EIF3I: variants seen among roughly 807,000 people sequenced by gnomAD.
EIF3I encodes the protein TGF-beta receptor-interacting protein 1.
In EIF3I, 20 loss-of-function variants were observed where a neutral mutation model predicts 43.3. The observed-to-expected ratio is 0.46, with a 90% CI of 0.32 to 0.67. EIF3I has a LOEUF of 0.67. Ranked by LOEUF, EIF3I falls within the 30% of genes least tolerant of loss-of-function variation. The pLI, the probability that EIF3I is intolerant of heterozygous loss-of-function variation, is 0.03. For missense variants in EIF3I, 279 were observed against 421.4 expected (o/e 0.66, Z 2.96); for synonymous variants, 167 against 151.7 (o/e 1.10, Z -0.74).
At chr1:32,226,437 T>C (rs1358622921) in exon 6 of EIF3I, 5 of 1,604,286 alleles carry the variant, frequency 3.1e-6, no homozygotes, top group Non-Finnish European at 4.3e-6. Context: ...TCCCTTGCAA[T>C]GACTCTAAAA....
intron 4 of EIF3I, among the ~76,000 whole-genome samples, chr1:32,225,026 G>T (rs1639121273): frequency 6.6e-6 from 1 of 152,120 alleles, no homozygotes; most frequent in Non-Finnish European, 1.5e-5. Flanking sequence ...TAGAGACAGG[G>T]TTTCACCATG....
At chr1:32,226,047 A>T in intron 4 of EIF3I, 124 bp from the exon 5 acceptor site, 1 of 1,294,996 alleles carries the variant, frequency 7.7e-7, no homozygotes, top group Non-Finnish European at 1.1e-6. Context: ...AAGAAAAGTT[A>T]AAATACTTTT....
chr1:32,223,190 G>A (rs1246904573), intron 2 of EIF3I, among the ~76,000 whole-genome samples: 1 of 152,242 alleles, frequency 6.6e-6, no homozygotes, highest in East Asian at 1.9e-4. Context: ...GGAACTTAAT[G>A]AGGGTGTCTC....
downstream of EIF3I, chr1:32,234,540 G>A (rs1639277118): frequency 1.3e-5 from 2 of 152,934 alleles, no homozygotes; most frequent in Admixed American, 6.5e-5. Context: ...AGTCCAGGAA[G>A]AGGAGAAAGG....
intron 2 of EIF3I, among the ~76,000 whole-genome samples, chr1:32,223,337 G>A (rs1467609949): frequency 6.6e-6 from 1 of 152,198 alleles, no homozygotes; most frequent in Non-Finnish European, 1.5e-5. Flanking sequence ...AGGCTGGAGT[G>A]CAGTGGCGCG....
In EIF3I at chr1:32,229,223, A is replaced by C. The variant is rs1424417351; in HGVS notation, c.803+15A>C. The C allele has an allele frequency of 1.2e-6, 2 of 1,609,260 alleles. No individual in the cohort carries two copies. The highest frequency in any genetic ancestry group is 1.7e-6 in the Non-Finnish European group (2 of 1,178,724). On this transcript the variant is annotated intron_variant, in intron 9 of 11. Coordinates refer to ENST00000676679, the Ensembl canonical transcript of EIF3I. ...TTTGAGGCCAGGTAAAGAAGAAGAGAGCTCTTCCAAATTAAAATCTCATGT... is the reference window on the plus strand; with the variant it reads ...TTTGAGGCCAGGTAAAGAAGAAGAGCGCTCTTCCAAATTAAAATCTCATGT...
At chr1:32,231,336 C>A (rs1273373776), downstream of EIF3I, 5 of 723,338 alleles carry the variant, frequency 6.9e-6, no homozygotes, top group Non-Finnish European at 1.1e-5. Context: ...ACTAAAAATA[C>A]AAAAATTAGC....
chr1:32,224,739 C>T (rs1168125650), intron 4 of EIF3I, among the ~76,000 whole-genome samples: 2 of 148,886 alleles, frequency 1.3e-5, no homozygotes, highest in Non-Finnish European at 3.0e-5. Context: ...GGCACTATCT[C>T]GGCTCACTGC....
At position 32,227,091 on chromosome 1, in the gene EIF3I, C is replaced by T. The variant is rs188475797; in HGVS notation, c.528+561C>T. Among the ~76,000 whole-genome samples, 46 of 151,226 alleles carry T rather than the reference C, an allele frequency of 3.0e-4. No homozygotes were observed. In the East Asian group the frequency reaches 6.2e-3, roughly 20 times the overall value. On this transcript the variant is annotated intron_variant, in intron 6 of 11. Coordinates refer to ENST00000676679, the Ensembl canonical transcript of EIF3I. ...CTGACCTCAGATGATCCACCTGCCTCGGGTCCTGGTGATAGCACACTAGTT... is the reference window on the plus strand; with the variant it reads ...CTGACCTCAGATGATCCACCTGCCTTGGGTCCTGGTGATAGCACACTAGTT...
rs185976551 is a variant in EIF3I, at chr1:32,224,225, C to T, written c.184+104C>T. The stretch of plus-strand genomic sequence containing the variant: ...GGGGTGCTGTTGAGGGCCTAGAGAA[C>T]GATACCTCCTACTCCCTGGTCTCTT... On this transcript the variant is annotated intron_variant, in intron 3 of 11. Coordinates refer to ENST00000676679, the Ensembl canonical transcript of EIF3I. The T allele has an allele frequency of 3.8e-5, 45 of 1,196,728 alleles. 1 individual carries two copies. Among genetic ancestry groups the T allele is most frequent in the Admixed American group, 3.4e-4 (19 of 56,530 alleles). The allele number at this position is 1,196,728 out of a possible 1,614,324, so 74.1% of individuals were successfully genotyped here. A position where few individuals can be genotyped will look rare whatever the true frequency, so the allele number is the denominator to read the frequency against.
chr1:32,234,304 CA>C (rs76358588), downstream of EIF3I: 143 of 111,266 alleles, frequency 1.3e-3, no homozygotes, highest in Non-Finnish European at 1.7e-3. Flanking sequence ...GACTTCATCT[CA>C]AAAAAAAAAA....
In EIF3I at chr1:32,223,089, G is replaced by C. The variant is rs546245781; in HGVS notation, c.96+459G>C. Among the ~76,000 whole-genome samples, 4 of 152,286 alleles carry C rather than the reference G, an allele frequency of 2.6e-5. No individual in the cohort carries two copies. The East Asian group carries it at 7.7e-4, about 29-fold the overall frequency. On this transcript the variant is annotated intron_variant, in intron 2 of 11. Coordinates refer to ENST00000676679, the Ensembl canonical transcript of EIF3I. The stretch of plus-strand genomic sequence containing the variant: ...CACTGTGGAAAGGGGATAAAGATGA[G>C]GGTCAGCTTGCCCAGAGAACGGGAT...
Position 32,230,911 on chromosome 1 carries a change from G to A in EIF3I, c.915-16G>A. On this transcript the variant is annotated splice_polypyrimidine_tract_variant and intron_variant, in intron 10 of 11. Transcript: ENST00000676679. ...AGAAGATAGAAAGTGAATTAATTGT[G>A]TCCCTTTTCCTCCAGGTTCTTCCAT... 6.3e-7 allele frequency: 1 copy of A among 1,575,658 alleles called. No individual in the cohort carries two copies. The highest frequency in any genetic ancestry group is 8.6e-7 in the Non-Finnish European group (1 of 1,162,416).
chr1:32,224,030 C>G lies in EIF3I; in HGVS notation c.97-4C>G. 1 of 1,614,102 alleles carries G rather than the reference C, an allele frequency of 6.2e-7. No individual in the cohort carries two copies. On this transcript the variant is annotated splice_polypyrimidine_tract_variant and splice_region_variant and intron_variant, in intron 2 of 11. Transcript: ENST00000676679. The stretch of plus-strand genomic sequence containing the variant: ...TGTACTATCCTGTGGTTTGACTTTT[C>G]CAGATCGTCAATGTATGGTACTCTG...
chr1:32,227,972 G>A (rs1002846040), intron 6 of EIF3I, among the ~76,000 whole-genome samples: 2 of 152,244 alleles, frequency 1.3e-5, no homozygotes, highest in Non-Finnish European at 2.9e-5. Context: ...AGAGGTCTCA[G>A]CCAAGTGTGG....
downstream of EIF3I, chr1:32,235,153 C>G (rs1383578281): frequency 6.6e-6 from 1 of 152,644 alleles, no homozygotes; most frequent in African/African-American, 2.4e-5. Context: ...CAGCTCAAGC[C>G]CTTGCCAAGT....
intron 9 of EIF3I, 151 bp downstream of exon 9, chr1:32,229,359 G>A (rs1187741556): frequency 2.6e-6 from 2 of 755,762 alleles, no homozygotes. Context: ...CTCCCGGGTT[G>A]ACGCCATTCT....
At chr1:32,227,739 T>C (rs1197402176) in intron 6 of EIF3I, among the ~76,000 whole-genome samples, 3 of 151,994 alleles carry the variant, frequency 2.0e-5, no homozygotes, top group African/African-American at 7.3e-5. Context: ...TGTGCCACTG[T>C]ACTCCAGCCT....
downstream of EIF3I, chr1:32,231,470 C>G: frequency 3.7e-6 from 1 of 268,058 alleles, no homozygotes; most frequent in South Asian, 5.8e-5. Flanking sequence ...CATCCTGAGC[C>G]ACAAGAGCAA....
Sources: gnomAD v4.1 joint callset for allele counts (sites outside exome capture counted in the v4.1 genomes callset) on GRCh38, gnomAD v4.1.1 for gene constraint, MANE v1.5 for transcripts, NCBI Gene and HGNC (gene_info 2026-07-23, HGNC 2026-07-21) for gene names.